Variants in SYNPO observed in about 807,000 individuals in gnomAD.
SYNPO encodes the protein synaptopodin.
In SYNPO, 19 loss-of-function variants were observed where a neutral mutation model predicts 49.5. The observed-to-expected ratio is 0.38, with a 90% CI of 0.27 to 0.56. The LOEUF is 0.56. Ranked by LOEUF, SYNPO falls within the 20% of genes least tolerant of loss-of-function variation. SYNPO has a pLI of 0.68. For missense variants in SYNPO, 1,131 were observed against 1,248.3 expected, an observed-to-expected ratio of 0.91 and a Z score of 1.42; for synonymous variants, 536 against 548.0, an observed-to-expected ratio of 0.98 and a Z score of 0.31.
chr5:150,653,276 T>C (rs1303973075), intron 2 of SYNPO: 1 of 152,268 alleles, frequency 6.6e-6, no homozygotes, highest in Non-Finnish European at 1.5e-5. Flanking sequence ...GGTCAGGCTC[T>C]GGCCCATCTC....
intron 2 of SYNPO, chr5:150,653,976 C>T (rs1758476404): frequency 6.6e-6 from 1 of 152,162 alleles, no homozygotes; most frequent in Non-Finnish European, 1.5e-5. Context: ...CATCTAGCAG[C>T]TGCTACATTC....
At chr5:150,630,726 A>G (rs1679420654) in intron 2 of SYNPO, among the ~76,000 whole-genome samples, 1 of 151,880 alleles carries the variant, frequency 6.6e-6, no homozygotes, top group African/African-American at 2.4e-5. Flanking sequence ...TCCCTCCTCC[A>G]TCCCTGCCCA....
upstream of SYNPO, among the ~76,000 whole-genome samples, chr5:150,637,945 C>T (rs1035242839): frequency 7.9e-5 from 12 of 152,140 alleles, no homozygotes; most frequent in African/African-American, 2.4e-4. Flanking sequence ...TTCTGGTCTC[C>T]GGGCATGAGC....
intron 2 of SYNPO, among the ~76,000 whole-genome samples, chr5:150,620,899 C>CTTTTTCTTTCTTTCTTTCTTTATT (rs1014762340): frequency 8.6e-4 from 94 of 108,922 alleles, no homozygotes; most frequent in African/African-American, 3.1e-3. Context: ...TTCTTTTTTT[C>CTTTTTCTTTCTTTCTTTCTTTATT]TCTTTCTTTC....
At chr5:150,628,026 GTGTGTGTTTC>G (rs371757211) in intron 2 of SYNPO, among the ~76,000 whole-genome samples, 37 of 136,504 alleles carry the variant, frequency 2.7e-4, no homozygotes, top group South Asian at 4.6e-4. Context: ...GTTTCTGTGT[GTGTGTGTTTC>G]TGTGTGTGTG....
chr5:150,600,019 C>G (rs556981877), upstream of SYNPO, among the ~76,000 whole-genome samples: 2 of 152,196 alleles, frequency 1.3e-5, no homozygotes, highest in African/African-American at 4.8e-5. Flanking sequence ...CCGGCAAAAC[C>G]TTGCCAGCAA....
Position 150,647,490 on chromosome 5 carries a change from G to T in SYNPO, c.-332-454G>T, listed in dbSNP as rs74516821. 1.4e-4 allele frequency among the ~76,000 whole-genome samples: 22 copies of T among 152,354 alleles called. No individual in the cohort carries two copies. In the East Asian group the frequency reaches 4.1e-3, roughly 28 times the overall value. On this transcript the variant is annotated intron_variant, in intron 1 of 2. Coordinates refer to ENST00000307662, the MANE Select transcript of SYNPO (RefSeq NM_007286.6). ...CTGGGAAAAGATTATTCCAAGGAGA[G>T]CGAGCAGCAAGTCCAAAGGCCCTGG...
chr5:150,605,928 C>T (rs938725011), intron 1 of SYNPO, among the ~76,000 whole-genome samples: 1 of 152,184 alleles, frequency 6.6e-6, no homozygotes, highest in African/African-American at 2.4e-5. Flanking sequence ...TACCCAGAGA[C>T]ACATATACAT....
rs144658674 is a variant in SYNPO, at chr5:150,614,362, G to A, written c.-265-3741G>A. Among the ~76,000 whole-genome samples the A allele has an allele frequency of 3.8e-3, 574 of 152,294 alleles. 27 individuals are homozygous for A. In the South Asian group the frequency reaches 0.091, roughly 24 times the overall value. On this transcript the variant is annotated intron_variant, in intron 1 of 2. Transcript: ENST00000394243. ...TGCAGAAGCCAACAGTTGGAGCCCT[G>A]GGGTGTCTTGGCCGGCCCTCAGACT...
the SYNPO span, among the ~76,000 whole-genome samples, chr5:150,595,243 GC>G: frequency 6.6e-6 from 1 of 152,210 alleles, no homozygotes; most frequent in African/African-American, 2.4e-5. Flanking sequence ...CATTTAGCAT[GC>G]GATGGCATTT....
chr5:150,619,404 G>A (rs1757080949), intron 2 of SYNPO, among the ~76,000 whole-genome samples: 1 of 152,132 alleles, frequency 6.6e-6, no homozygotes, highest in Non-Finnish European at 1.5e-5. Flanking sequence ...GAGGTGACAA[G>A]GGCAGATAGA....
Position 150,656,592 on chromosome 5 carries a change from GCTGCGAC to G in SYNPO, c.2221_2227del (p.Glu743ArgfsTer194). On this transcript the variant is annotated frameshift_variant, in exon 3 of 3. Coordinates refer to ENST00000307662, the MANE Select transcript of SYNPO (RefSeq NM_007286.6). LOFTEE classifies it low-confidence loss of function (END_TRUNC). ...CGTGGAGCGAGCGCTCGGTGTCCCC[GCTGCGAC>G]CTGAGACCGAGGCGCGGCCCCCCAG... 6.6e-7 allele frequency: 1 copy of G among 1,520,030 alleles called. No individual in the cohort carries two copies. The highest frequency in any genetic ancestry group is 8.8e-7 in the Non-Finnish European group (1 of 1,141,190). 94.2% of individuals were successfully genotyped at this position (1,520,030 alleles called of 1,614,324 possible). A position where few individuals can be genotyped will look rare whatever the true frequency, so the allele number is the denominator to read the frequency against.
Position 150,656,616 on chromosome 5 carries a change from G to GC in SYNPO, c.2247dup (p.Ser750GlnfsTer121), listed in dbSNP as rs1316089825. On this transcript the variant is annotated frameshift_variant, in exon 3 of 3. Coordinates refer to ENST00000307662, the MANE Select transcript of SYNPO (RefSeq NM_007286.6). LOFTEE classifies it low-confidence loss of function (END_TRUNC). ...CGCTGCGACCTGAGACCGAGGCGCG[G>GC]CCCCCCAGCCGCCAGCTGCAGGCGC... is the stretch of plus-strand genomic sequence containing the variant. 21 of 1,512,248 alleles carry GC rather than the reference G, an allele frequency of 1.4e-5. No individual in the cohort carries two copies. Among genetic ancestry groups the GC allele is most frequent in the East Asian group, 2.6e-5 (1 of 37,750 alleles). The allele number at this position is 1,512,248 out of a possible 1,614,324, so 93.7% of individuals were successfully genotyped here. A position where few individuals can be genotyped will look rare whatever the true frequency, so the allele number is the denominator to read the frequency against.
intron 1 of SYNPO, among the ~76,000 whole-genome samples, chr5:150,606,657 C>T (rs538105681): frequency 6.6e-6 from 1 of 152,330 alleles, no homozygotes; most frequent in South Asian, 2.1e-4. Context: ...TGCCTTTTCT[C>T]AGGTCCAGGG....
intron 2 of SYNPO, among the ~76,000 whole-genome samples, chr5:150,625,561 C>T (rs1252983161): frequency 6.6e-6 from 1 of 152,186 alleles, no homozygotes; most frequent in African/African-American, 2.4e-5. Context: ...AACTGTCCTG[C>T]GCTGCCCGCC....
At chr5:150,609,786 C>CA (rs1554107079) in intron 1 of SYNPO, among the ~76,000 whole-genome samples, 3 of 105,358 alleles carry the variant, frequency 2.8e-5, no homozygotes, top group African/African-American at 1.1e-4. Context: ...GTGAATGTGG[C>CA]GGGGGGGGGC....
chr5:150,651,023 TTTTAGGG>T (rs1229878485), intron 2 of SYNPO: 1 of 1,217,964 alleles, frequency 8.2e-7, no homozygotes, highest in African/African-American at 1.6e-5. Context: ...CCTGGCTCTG[TTTTAGGG>T]AGATCACTGG....
At chr5:150,604,919 C>G (rs567205811) in intron 1 of SYNPO, among the ~76,000 whole-genome samples, 1 of 152,272 alleles carries the variant, frequency 6.6e-6, no homozygotes, top group East Asian at 1.9e-4. Context: ...TTCTGCAGGC[C>G]TGGGTTCCAG....
chr5:150,651,148 G>C, intron 2 of SYNPO: 1 of 1,044,282 alleles, frequency 9.6e-7, no homozygotes, highest in Non-Finnish European at 1.2e-6. Context: ...GGGCTGTGCA[G>C]ATGTGGGTGT....
Sources: allele counts gnomAD v4.1 joint callset (sites outside exome capture counted in the v4.1 genomes callset), GRCh38; gene constraint gnomAD v4.1.1; transcripts MANE v1.5; gene names NCBI Gene and HGNC (gene_info 2026-07-23, HGNC 2026-07-21).